The following AREL1 variants were observed in gnomAD, a reference collection of about 807,000 sequenced individuals.
The protein encoded by AREL1 is apoptosis-resistant E3 ubiquitin protein ligase 1.
A neutral mutation model predicts 99.0 loss-of-function variants in AREL1; 62 were observed. That is an observed-to-expected ratio of 0.63 (90% CI 0.51 to 0.77). The LOEUF is 0.77. Among genes scored for constraint, AREL1 ranks in the 30% least tolerant of loss-of-function variants. AREL1 has a pLI of 0.00. For synonymous variants in AREL1, 380 were observed against 376.5 expected, an observed-to-expected ratio of 1.01 and a Z score of -0.11; for missense variants, 879 against 1,027.6, an observed-to-expected ratio of 0.86 and a Z score of 1.98.
At chr14:74,691,669 C>G (rs1389336193) in intron 2 of AREL1, among the ~76,000 whole-genome samples, 1 of 152,174 alleles carries the variant, frequency 6.6e-6, no homozygotes, top group Non-Finnish European at 1.5e-5. Context: ...TTGCTTAATA[C>G]TACAGCATTT....
At chr14:74,703,818 T>C (rs1276613779) in intron 1 of AREL1, among the ~76,000 whole-genome samples, 1 of 152,220 alleles carries the variant, frequency 6.6e-6, no homozygotes, top group Non-Finnish European at 1.5e-5. Context: ...CAAGTCTGTG[T>C]AGGCACATGA....
rs551371386 is a variant in AREL1, at chr14:74,713,037, C to A, written c.-438G>T. 81 of 1,240,214 alleles carry A rather than the reference C, an allele frequency of 6.5e-5. No homozygotes were observed. In the South Asian group the frequency reaches 8.8e-4, roughly 13 times the overall value. 76.8% of individuals were successfully genotyped at this position (1,240,214 alleles called of 1,614,324 possible). ...CTCCCCACTCTCCCACCAACAGACC[C>A]CAGAGTTGGTCTCCACCCGGCCTGG... is the stretch of plus-strand genomic sequence containing the variant. On this transcript the variant is annotated 5_prime_UTR_variant, in exon 1 of 20. Coordinates refer to ENST00000356357, the MANE Select transcript of AREL1 (RefSeq NM_001039479.2).
intron 2 of AREL1, 158 bp downstream of exon 2, chr14:74,691,883 T>C (rs1229939193): frequency 6.3e-6 from 1 of 159,854 alleles, no homozygotes; most frequent in Non-Finnish European, 1.4e-5. Flanking sequence ...GAGAACTGGT[T>C]TCTTCATATT....
chr14:74,702,064 G>T (rs1185357338), intron 1 of AREL1, among the ~76,000 whole-genome samples: 1 of 152,176 alleles, frequency 6.6e-6, no homozygotes, highest in African/African-American at 2.4e-5. Context: ...CTGCTTTCGT[G>T]GGCTAGCACT....
intron 1 of AREL1, among the ~76,000 whole-genome samples, chr14:74,699,381 GAGAGAGAGAGAGAGCAAGAGCA>G (rs2090040253): frequency 2.6e-5 from 3 of 116,768 alleles, no homozygotes; most frequent in African/African-American, 1.3e-4. Context: ...GTGTGTGAGA[GAGAGAGAGAGAGAGCAAGAGCA>G]AGAGAGAGAG....
At position 74,671,440 on chromosome 14, in the gene AREL1, T is replaced by A; in HGVS notation, c.1466A>T (p.Lys489Met). 1.9e-6 allele frequency: 3 copies of A among 1,593,244 alleles called. No homozygotes were observed. The highest frequency in any genetic ancestry group is 2.6e-6 in the Non-Finnish European group (3 of 1,172,010). Residue 489 changes from lysine to methionine, a missense_variant, in exon 12 of 20, where the codon AAG (lysine) becomes ATG (methionine). Transcript: ENST00000356357. Reference sequence around the variant, plus strand: ...ATCCTGGAAAACAACCTCAAAGTTCTTGCTCCAATCTGAGATGGAGAAATT... The same window carrying A: ...ATCCTGGAAAACAACCTCAAAGTTCATGCTCCAATCTGAGATGGAGAAATT... The part of the protein sequence containing the change: ...TRNFSISDWS[K>M]NFEVVFQDEE...
chr14:74,695,976 G>A (rs2089973136), intron 1 of AREL1, among the ~76,000 whole-genome samples: 1 of 152,238 alleles, frequency 6.6e-6, no homozygotes, highest in South Asian at 2.1e-4. Flanking sequence ...CATGCTTTCA[G>A]AAGTGAGAAT....
At chr14:74,687,471 A>G (rs1020829464) in intron 2 of AREL1, among the ~76,000 whole-genome samples, 1 of 152,214 alleles carries the variant, frequency 6.6e-6, no homozygotes, top group African/African-American at 2.4e-5. Context: ...CTTTAGTATG[A>G]TATGACTTCA....
At chr14:74,672,981 G>T (rs888271062) in intron 10 of AREL1, 29 bp from the exon 11 acceptor site, 22 of 1,614,098 alleles carry the variant, frequency 1.4e-5, no homozygotes, top group Non-Finnish European at 1.9e-5. Flanking sequence ...CATCATTACA[G>T]CCTCATTACA....
Position 74,663,591 on chromosome 14 carries a change from A to G in AREL1, c.*129T>C. 1 of 982,120 alleles carries G rather than the reference A, an allele frequency of 1.0e-6. No individual in the cohort carries two copies. Among genetic ancestry groups the G allele is most frequent in the Non-Finnish European group, 1.6e-6 (1 of 622,362 alleles). 60.8% of individuals were successfully genotyped at this position (982,120 alleles called of 1,614,324 possible). On this transcript the variant is annotated 3_prime_UTR_variant, in exon 20 of 20. Coordinates refer to ENST00000356357, the MANE Select transcript of AREL1 (RefSeq NM_001039479.2). ...AGGCTTGTAGGTGACAAAATCCTCC[A>G]GACACAGGGGAGCATGCGGCATCTT...
intron 18 of AREL1, 28 bp downstream of exon 18, chr14:74,664,808 C>G: frequency 6.2e-7 from 1 of 1,600,014 alleles, no homozygotes; most frequent in East Asian, 2.2e-5. Context: ...TGGCACAAAT[C>G]CAACTGAAAG....
chr14:74,670,869 G>A lies in AREL1; in HGVS notation c.1501C>T (p.Leu501=). The part of the protein sequence containing the change: ...FEVVFQDEEA[L]DWGGPRREWF... Reference sequence around the variant, plus strand: ...TCCCGGCGAGGCCCTCCCCAGTCCAGAGCTGAAAAGCATAATGAAAATAAA... The same window carrying A: ...TCCCGGCGAGGCCCTCCCCAGTCCAAAGCTGAAAAGCATAATGAAAATAAA... Residue 501 remains leucine (L), a splice_region_variant and synonymous_variant, in exon 13 of 20, where the codon CTG becomes TTG. Coordinates refer to ENST00000356357, the MANE Select transcript of AREL1 (RefSeq NM_001039479.2). 6.2e-7 allele frequency: 1 copy of A among 1,613,714 alleles called. No homozygotes were observed. Among genetic ancestry groups the A allele is most frequent in the South Asian group, 1.1e-5 (1 of 91,032 alleles).
chr14:74,678,254 TG>T, intron 5 of AREL1: 1 of 453,720 alleles, frequency 2.2e-6, no homozygotes, highest in Non-Finnish European at 4.4e-6. Context: ...CCCAACACTT[TG>T]GAAGGCCAAA....
chr14:74,676,955 C>T (rs1369669217), intron 5 of AREL1, among the ~76,000 whole-genome samples: 1 of 152,024 alleles, frequency 6.6e-6, no homozygotes, highest in Non-Finnish European at 1.5e-5. Flanking sequence ...CGCCACCATG[C>T]CCAGAGAATT....
intron 1 of AREL1, among the ~76,000 whole-genome samples, chr14:74,699,246 TG>T (rs1396523534): frequency 6.6e-6 from 1 of 152,132 alleles, no homozygotes; most frequent in Non-Finnish European, 1.5e-5. Context: ...ATTCTCTGTG[TG>T]GGTTTTCTCT....
intron 2 of AREL1, among the ~76,000 whole-genome samples, chr14:74,690,698 T>C (rs1355156172): frequency 6.6e-6 from 1 of 152,226 alleles, no homozygotes; most frequent in Non-Finnish European, 1.5e-5. Context: ...TTTCATCAAA[T>C]TGTTATGAGT....
rs746327805 is a variant in AREL1 at position 74,664,890 on chromosome 14, A to T, written c.2139T>A (p.Ser713=). The T allele has an allele frequency of 5.0e-6, 8 of 1,613,926 alleles. No individual in the cohort carries two copies. The South Asian group carries it at 8.8e-5, about 18-fold the overall frequency. Residue 713 remains serine, a synonymous_variant, in exon 18 of 20, where the codon TCT becomes TCA. Coordinates refer to ENST00000356357, the MANE Select transcript of AREL1 (RefSeq NM_001039479.2). ...CAACTACTGCATGGGCTTTGAAGTC[A>T]GACACACTGATGTCTCCAGTCCCAC... ...LMCGTGDISV[S]DFKAHAVVVG... is the part of the protein sequence containing the mutation.
In AREL1 at chr14:74,700,894, C is replaced by T. The variant is rs555951068; in HGVS notation, c.-333-8566G>A. ...TTTAACCGAGAGAGAAAAAGGATCACACATTTTAAATGAAGTAACTCTGGG... is the reference window on the plus strand; with the variant it reads ...TTTAACCGAGAGAGAAAAAGGATCATACATTTTAAATGAAGTAACTCTGGG... On this transcript the variant is annotated intron_variant, in intron 1 of 19. Transcript: ENST00000356357. Among the ~76,000 whole-genome samples, 7 of 152,262 alleles carry T rather than the reference C, an allele frequency of 4.6e-5. No individual in the cohort carries two copies. The East Asian group carries it at 1.3e-3, about 29-fold the overall frequency.
intron 1 of AREL1, among the ~76,000 whole-genome samples, chr14:74,707,960 A>G (rs941497275): frequency 9.2e-5 from 13 of 140,760 alleles, no homozygotes; most frequent in African/African-American, 2.0e-4. Flanking sequence ...TTCGCCTCAG[A>G]AAAAAAAAAA....
Sources: allele counts gnomAD v4.1 joint callset (sites outside exome capture counted in the v4.1 genomes callset), GRCh38; gene constraint gnomAD v4.1.1; transcripts MANE v1.5; gene names NCBI Gene and HGNC (gene_info 2026-07-23, HGNC 2026-07-21).